PTPRK: variants seen among roughly 807,000 people sequenced by gnomAD.
PTPRK encodes the protein protein tyrosine phosphatase receptor type K, also known as receptor-type tyrosine-protein phosphatase kappa.
PTPRK carries 75 observed loss-of-function variants against 178.0 expected under a neutral mutation model. The ratio of observed to expected loss-of-function variants is 0.42; its 90% CI spans 0.35 to 0.51. The LOEUF is 0.51. Ranked by LOEUF, PTPRK falls within the 20% of genes least tolerant of loss-of-function variation. PTPRK has a pLI of 0.02. For missense variants in PTPRK, 1,441 were observed against 1,797.8 expected (o/e 0.80, Z 3.59); for synonymous variants, 637 against 620.6 (o/e 1.03, Z -0.39).
At chr6:128,278,685 T>C (rs938808819) in intron 3 of PTPRK, among the ~76,000 whole-genome samples, 2 of 152,204 alleles carry the variant, frequency 1.3e-5, no homozygotes, top group Non-Finnish European at 2.9e-5. Context: ...TACTTATTAT[T>C]TAATATTATT....
chr6:127,993,532 C>T (rs1422692962), intron 18 of PTPRK, among the ~76,000 whole-genome samples: 2 of 151,524 alleles, frequency 1.3e-5, no homozygotes, highest in African/African-American at 4.8e-5. Flanking sequence ...GTCTGTGGTA[C>T]AATTTGTCCA....
intron 14 of PTPRK, chr6:128,006,149 T>TA: frequency 2.5e-6 from 2 of 789,428 alleles, no homozygotes; most frequent in Non-Finnish European, 3.8e-6. Flanking sequence ...AAATGTGCGT[T>TA]AAAAAATAAA....
At position 128,234,108 on chromosome 6, in the gene PTPRK, A is replaced by C. The variant is rs150628518; in HGVS notation, c.693+5927T>G. Among the ~76,000 whole-genome samples the C allele has an allele frequency of 4.7e-3, 712 of 152,330 alleles. 4 individuals are homozygous for C. The highest frequency in any genetic ancestry group is 0.016 in the African/African-American group (673 of 41,572). On this transcript the variant is annotated intron_variant, in intron 5 of 29. Coordinates refer to ENST00000368226, the MANE Select transcript of PTPRK (RefSeq NM_002844.4). Reference sequence around the variant, plus strand: ...GTCCAACCCCAGTTACAACCCTTTCATATCCTCAAGTTATAAGGTGTTCTT... The same window carrying C: ...GTCCAACCCCAGTTACAACCCTTTCCTATCCTCAAGTTATAAGGTGTTCTT...
At chr6:128,417,803 A>T (rs753011434) in intron 1 of PTPRK, among the ~76,000 whole-genome samples, 1 of 152,184 alleles carries the variant, frequency 6.6e-6, no homozygotes, top group Non-Finnish European at 1.5e-5. Flanking sequence ...AACAAGCAGA[A>T]TTCCACAGGG....
chr6:128,132,319 C>A (rs1794371529), intron 7 of PTPRK, among the ~76,000 whole-genome samples: 1 of 152,196 alleles, frequency 6.6e-6, no homozygotes, highest in South Asian at 2.1e-4. Context: ...GGACTACAGG[C>A]ACCCGCCACC....
At chr6:128,499,476 C>A (rs1379025962) in intron 1 of PTPRK, among the ~76,000 whole-genome samples, 1 of 152,168 alleles carries the variant, frequency 6.6e-6, no homozygotes, top group Non-Finnish European at 1.5e-5. Flanking sequence ...AAATTATACA[C>A]GAATTGAGGA....
intron 18 of PTPRK, among the ~76,000 whole-genome samples, chr6:127,993,039 T>A (rs569321742): frequency 6.6e-6 from 1 of 151,836 alleles, no homozygotes; most frequent in South Asian, 2.1e-4. Flanking sequence ...CCTGGTAAAA[T>A]AGTGTTTAAA....
intron 13 of PTPRK, among the ~76,000 whole-genome samples, chr6:128,041,711 G>A (rs1452135530): frequency 1.3e-5 from 2 of 151,562 alleles, no homozygotes; most frequent in African/African-American, 4.8e-5. Flanking sequence ...ACTACATATA[G>A]ATGATAATAT....
intron 6 of PTPRK, among the ~76,000 whole-genome samples, chr6:128,207,462 C>T (rs1469189524): frequency 6.6e-6 from 1 of 152,150 alleles, no homozygotes; most frequent in Non-Finnish European, 1.5e-5. Flanking sequence ...AAAATGCACT[C>T]ATTTACATGC....
At chr6:127,999,980 C>T (rs1287139592) in intron 15 of PTPRK, 1 of 926,552 alleles carries the variant, frequency 1.1e-6, no homozygotes, top group Admixed American at 6.2e-5. Flanking sequence ...AGAACAAGAA[C>T]ATTTTTGCCT....
At chr6:128,013,607 C>T (rs1779282145) in intron 13 of PTPRK, among the ~76,000 whole-genome samples, 1 of 151,440 alleles carries the variant, frequency 6.6e-6, no homozygotes, top group African/African-American at 2.4e-5. Context: ...CCTCCACTTT[C>T]CTTATCTCTA....
chr6:128,398,298 C>A (rs573701344), intron 1 of PTPRK, among the ~76,000 whole-genome samples: 1 of 152,158 alleles, frequency 6.6e-6, no homozygotes, highest in Non-Finnish European at 1.5e-5. Flanking sequence ...GAGGTACTTT[C>A]AATTTTCCAT....
intron 13 of PTPRK, among the ~76,000 whole-genome samples, chr6:128,019,974 C>T (rs1773237604): frequency 6.6e-6 from 1 of 151,924 alleles, no homozygotes; most frequent in South Asian, 2.1e-4. Flanking sequence ...GTAGTAGGTG[C>T]AAAAGGGAGT....
At chr6:128,087,653 C>T (rs1409302074) in intron 8 of PTPRK, among the ~76,000 whole-genome samples, 1 of 151,930 alleles carries the variant, frequency 6.6e-6, no homozygotes, top group African/African-American at 2.4e-5. Context: ...CAATTAGGTG[C>T]CAGTTCAAAC....
Position 128,367,489 on chromosome 6 carries a change from T to A in PTPRK, c.223+30077A>T, listed in dbSNP as rs17055786. Among the ~76,000 whole-genome samples the A allele has an allele frequency of 6.5e-3, 982 of 152,240 alleles. 11 individuals are homozygous for A. The highest frequency in any genetic ancestry group is 0.022 in the African/African-American group (920 of 41,546). On this transcript the variant is annotated intron_variant, in intron 2 of 29. Transcript: ENST00000368226. ...CTAATGTATCCAATATTATCCAACC[T>A]GACATAACTTGCAGCACTTTTAAAA...
intron 7 of PTPRK, among the ~76,000 whole-genome samples, chr6:128,113,211 G>A (rs1036374014): frequency 2.0e-5 from 3 of 151,838 alleles, no homozygotes; most frequent in African/African-American, 4.8e-5. Flanking sequence ...GACACAAAAT[G>A]TATCTATGGT....
intron 1 of PTPRK, among the ~76,000 whole-genome samples, chr6:128,471,192 T>C (rs1850603805): frequency 6.6e-6 from 1 of 152,058 alleles, no homozygotes; most frequent in Admixed American, 6.6e-5. Context: ...AGAGAATACA[T>C]ATATTCAACA....
intron 3 of PTPRK, among the ~76,000 whole-genome samples, chr6:128,284,334 A>G (rs893636027): frequency 5.9e-5 from 9 of 152,128 alleles, no homozygotes; most frequent in African/African-American, 2.2e-4. Context: ...TTCCACCTCC[A>G]TGCTCAGCAC....
intron 1 of PTPRK, among the ~76,000 whole-genome samples, chr6:128,459,652 T>G (rs371072015): frequency 6.6e-6 from 1 of 152,294 alleles, no homozygotes; most frequent in African/African-American, 2.4e-5. Context: ...GAAACCTTCA[T>G]GGGCTGCCAT....
Sources: allele counts gnomAD v4.1 joint callset (sites outside exome capture counted in the v4.1 genomes callset), GRCh38; gene constraint gnomAD v4.1.1; transcripts MANE v1.5; gene names NCBI Gene and HGNC (gene_info 2026-07-23, HGNC 2026-07-21).